The following DPYD variants were observed in gnomAD, a reference collection of about 807,000 sequenced individuals.
DPYD encodes dihydropyrimidine dehydrogenase [NADP(+)].
In DPYD, 109 loss-of-function variants were observed where a neutral mutation model predicts 116.2. The ratio of observed to expected loss-of-function variants is 0.94; its 90% confidence interval spans 0.80 to 1.10. The LOEUF (loss-of-function observed/expected upper bound fraction) is 1.10, where lower values mean the gene tolerates loss of function less well. Ranked by LOEUF, DPYD falls within the 50% of genes least tolerant of loss-of-function variation. The pLI is 0.00. For missense variants in DPYD, 1,302 were observed against 1,254.5 expected (o/e 1.04, Z -0.57); for synonymous variants, 440 against 432.0 (o/e 1.02, Z -0.23).
intron 20 of DPYD, among the ~76,000 whole-genome samples, chr1:97,144,230 C>T (rs145366642): frequency 3.9e-5 from 6 of 152,276 alleles, no homozygotes; most frequent in South Asian, 2.1e-4. Context: ...TTCAGCTTTA[C>T]GCAAAGATAG....
At chr1:97,891,728 G>A (rs991735780) in intron 1 of DPYD, among the ~76,000 whole-genome samples, 1 of 151,860 alleles carries the variant, frequency 6.6e-6, no homozygotes, top group African/African-American at 2.4e-5. Context: ...TGGAGCTTCA[G>A]TATTATTCAA....
intron 4 of DPYD, among the ~76,000 whole-genome samples, chr1:97,725,395 T>C (rs1199366182): frequency 6.6e-6 from 1 of 151,576 alleles, no homozygotes; most frequent in Admixed American, 6.6e-5. Flanking sequence ...TTATCTAAAA[T>C]TTCAATACAA....
At chr1:97,752,647 A>G (rs367946887) in intron 3 of DPYD, among the ~76,000 whole-genome samples, 2 of 152,290 alleles carry the variant, frequency 1.3e-5, no homozygotes, top group African/African-American at 4.8e-5. Flanking sequence ...TGCATTCCAC[A>G]TGCTCTTCCC....
At chr1:97,298,308 A>C (rs1486379400) in intron 18 of DPYD, among the ~76,000 whole-genome samples, 1 of 152,082 alleles carries the variant, frequency 6.6e-6, no homozygotes, top group Non-Finnish European at 1.5e-5. Context: ...TATGTATCAG[A>C]AACTCTGGAG....
At chr1:97,439,048 C>CTACTATTA (rs1313750232) in intron 14 of DPYD, among the ~76,000 whole-genome samples, 1 of 151,936 alleles carries the variant, frequency 6.6e-6, no homozygotes, top group Non-Finnish European at 1.5e-5. Context: ...AGGAATTTTC[C>CTACTATTA]TACTATTAAT....
At chr1:97,724,302 GGGGGGGTGTGTGTGT>G (rs1663099646) in intron 4 of DPYD, among the ~76,000 whole-genome samples, 1 of 14,922 alleles carries the variant, frequency 6.7e-5, no homozygotes, top group African/African-American at 2.6e-4. Context: ...GTGGGGGGGG[GGGGGGGTGTGTGTGT>G]GTGTGTGTGT....
chr1:97,279,829 T>C (rs1281980045), intron 18 of DPYD: 1 of 152,108 alleles, frequency 6.6e-6, no homozygotes, highest in Admixed American at 6.5e-5. Flanking sequence ...GTACTAGAGA[T>C]ACTCCAGATA....
intron 5 of DPYD, among the ~76,000 whole-genome samples, chr1:97,712,843 T>C (rs1321418549): frequency 1.3e-5 from 2 of 152,132 alleles, no homozygotes; most frequent in Non-Finnish European, 2.9e-5. Flanking sequence ...TCTATAAGCC[T>C]CAGCTCTGTA....
intron 14 of DPYD, among the ~76,000 whole-genome samples, chr1:97,427,557 G>A (rs1674940121): frequency 6.6e-6 from 1 of 152,002 alleles, no homozygotes; most frequent in Non-Finnish European, 1.5e-5. Context: ...CAAGTGCAAT[G>A]TGACCTGTCT....
intron 2 of DPYD, among the ~76,000 whole-genome samples, chr1:97,870,038 T>C (rs1435273173): frequency 1.3e-5 from 2 of 151,904 alleles, no homozygotes; most frequent in South Asian, 2.1e-4. Flanking sequence ...AAATGTAGTA[T>C]ATACAGTTAT....
chr1:97,379,256 T>C lies in DPYD; in HGVS notation c.1974+3137A>G, dbSNP rs570599850. Reference sequence around the variant, plus strand: ...GCAGAAAACAGACCCACAGTGACAATGGGGAGAGGCAGGCAGGGCAGGGGC... The same window carrying C: ...GCAGAAAACAGACCCACAGTGACAACGGGGAGAGGCAGGCAGGGCAGGGGC... On this transcript the variant is annotated intron_variant, in intron 15 of 22. Coordinates refer to ENST00000370192, the MANE Select transcript of DPYD (RefSeq NM_000110.4). 1.6e-4 allele frequency among the ~76,000 whole-genome samples: 25 copies of C among 152,014 alleles called. No individual in the cohort carries two copies. The South Asian group carries it at 4.6e-3, about 28-fold the overall frequency.
intron 18 of DPYD, among the ~76,000 whole-genome samples, chr1:97,273,300 G>T (rs1664722072): frequency 6.6e-6 from 1 of 152,092 alleles, no homozygotes; most frequent in Non-Finnish European, 1.5e-5. Flanking sequence ...GGCCAAGGGT[G>T]AAACGCAATA....
At chr1:97,268,693 A>G (rs528220615) in intron 18 of DPYD, among the ~76,000 whole-genome samples, 1 of 152,228 alleles carries the variant, frequency 6.6e-6, no homozygotes, top group East Asian at 1.9e-4. Context: ...AAGTCTCAAG[A>G]TAGTGCAGGG....
At chr1:97,165,300 A>G (rs530799275) in intron 20 of DPYD, among the ~76,000 whole-genome samples, 3 of 152,270 alleles carry the variant, frequency 2.0e-5, no homozygotes, top group African/African-American at 7.2e-5. Context: ...CTAATCATCA[A>G]CAAAGCTGAC....
At chr1:97,529,638 T>C (rs1341726190) in intron 12 of DPYD, among the ~76,000 whole-genome samples, 1 of 152,146 alleles carries the variant, frequency 6.6e-6, no homozygotes, top group African/African-American at 2.4e-5. Context: ...CCCTTTATTG[T>C]TGCTTACTTT....
chr1:97,400,262 C>G (rs939432601), intron 14 of DPYD, among the ~76,000 whole-genome samples: 1 of 152,070 alleles, frequency 6.6e-6, no homozygotes, highest in African/African-American at 2.4e-5. Context: ...TATTCATTTG[C>G]GTATGTTGAA....
intron 20 of DPYD, among the ~76,000 whole-genome samples, chr1:97,127,416 T>G (rs1652933034): frequency 6.6e-6 from 1 of 152,154 alleles, no homozygotes; most frequent in South Asian, 2.1e-4. Context: ...GAGTTGTACA[T>G]CTCTCATTGG....
At chr1:97,156,525 A>G (rs1376793754) in intron 20 of DPYD, among the ~76,000 whole-genome samples, 1 of 152,218 alleles carries the variant, frequency 6.6e-6, no homozygotes, top group Non-Finnish European at 1.5e-5. Flanking sequence ...AATGCTCACC[A>G]TCACTGGCCA....
rs1657558318 is a variant in DPYD, at chr1:97,636,327, C to T, written c.851-41161G>A. On this transcript the variant is annotated intron_variant, in intron 8 of 22. Coordinates refer to ENST00000370192, the MANE Select transcript of DPYD (RefSeq NM_000110.4). ...CTTTTTCCCACTTTCATTTCCATTTCAACTGGCCCCACCTTTCTCTAGGTC... is the reference window on the plus strand; with the variant it reads ...CTTTTTCCCACTTTCATTTCCATTTTAACTGGCCCCACCTTTCTCTAGGTC... 4.6e-5 allele frequency among the ~76,000 whole-genome samples: 7 copies of T among 152,174 alleles called. No homozygotes were observed. In the South Asian group the frequency reaches 1.5e-3, roughly 32 times the overall value.
Sources: allele counts gnomAD v4.1 joint callset (sites outside exome capture counted in the v4.1 genomes callset), GRCh38; gene constraint gnomAD v4.1.1; transcripts MANE v1.5; gene names NCBI Gene and HGNC (gene_info 2026-07-23, HGNC 2026-07-21).